The following ARFGAP2 variants were observed in gnomAD, a reference collection of about 807,000 sequenced individuals.
The protein encoded by ARFGAP2 is ADP-ribosylation factor GTPase-activating protein 2.
ARFGAP2 carries 45 observed loss-of-function variants against 71.9 expected under a neutral mutation model. The observed-to-expected ratio is 0.63, with a 90% CI of 0.49 to 0.80. The LOEUF (loss-of-function observed/expected upper bound fraction) is 0.80. ARFGAP2 is among the 30% of genes least tolerant of loss of function. ARFGAP2 has a pLI of 0.00. For missense variants in ARFGAP2, 633 were observed against 673.9 expected, an observed-to-expected ratio of 0.94 and a Z score of 0.67; for synonymous variants, 248 against 249.2, an observed-to-expected ratio of 1.00 and a Z score of 0.05.
At position 47,165,509 on chromosome 11, in the gene ARFGAP2, G is replaced by T; in HGVS notation, c.1546-7C>A. 1 of 1,545,434 alleles carries T rather than the reference G, an allele frequency of 6.5e-7. No individual in the cohort carries two copies. The highest frequency in any genetic ancestry group is 8.7e-7 in the Non-Finnish European group (1 of 1,151,728). On this transcript the variant is annotated splice_polypyrimidine_tract_variant and splice_region_variant and intron_variant, in intron 15 of 15. Transcript: ENST00000524782. ...AGTAGGAACCGTAGCGATCCTGGGG[G>T]CGAGGGGGGAGAAAAAAAAAAAAAA...
chr11:47,170,903 A>G (rs1220423740), intron 10 of ARFGAP2, among the ~76,000 whole-genome samples: 1 of 152,122 alleles, frequency 6.6e-6, no homozygotes, highest in African/African-American at 2.4e-5. Flanking sequence ...CTGAGATCAC[A>G]CCATTACACT....
chr11:47,170,050 C>T (rs1225033211), intron 10 of ARFGAP2, among the ~76,000 whole-genome samples: 1 of 152,110 alleles, frequency 6.6e-6, no homozygotes, highest in Admixed American at 6.5e-5. Flanking sequence ...AAGCACTGGG[C>T]GCCGTGGCTC....
rs1027178698 is a variant in ARFGAP2 at position 47,171,269 on chromosome 11, G to A, written c.941+157C>T. Among the ~76,000 whole-genome samples the A allele has an allele frequency of 2.6e-5, 4 of 152,160 alleles. No individual in the cohort carries two copies. In the South Asian group the frequency reaches 6.2e-4, roughly 24 times the overall value. On this transcript the variant is annotated intron_variant, in intron 10 of 15. Coordinates refer to ENST00000524782, the MANE Select transcript of ARFGAP2 (RefSeq NM_032389.6). ...CTTACTGAGCACATACCTACTATGC[G>A]CCAAGCACTGTATTAGGGACTTTAG...
chr11:47,165,471 C>A lies in ARFGAP2; in HGVS notation c.*11G>T. On this transcript the variant is annotated 3_prime_UTR_variant, in exon 16 of 16. Transcript: ENST00000524782. Reference sequence around the variant, plus strand: ...CCGTCACCATCGTAAGCCTGAGTCACAGAGCTCGGATCAGTAGGAACCGTA... The same window carrying A: ...CCGTCACCATCGTAAGCCTGAGTCAAAGAGCTCGGATCAGTAGGAACCGTA... 2 of 1,564,734 alleles carry A rather than the reference C, an allele frequency of 1.3e-6. No homozygotes were observed. The highest frequency in any genetic ancestry group is 1.7e-6 in the Non-Finnish European group (2 of 1,154,488).
rs1278211409 is a variant in ARFGAP2 at position 47,176,840 on chromosome 11, G to A, written c.14C>T (p.Pro5Leu). 1.9e-6 allele frequency: 3 copies of A among 1,613,538 alleles called. No homozygotes were observed. Among genetic ancestry groups the A allele is most frequent in the East Asian group, 2.2e-5 (1 of 44,866 alleles). The change falls in exon 1 of 16, where the codon CCG becomes CTG. Residue 5 changes from proline to leucine, a missense_variant. Physicochemically the swap from Pro to Leu is moderately conservative, Grantham distance 98. Transcript: ENST00000524782. ...AAGAGTCTGGATTTCGGTCTTGTTCGGCTCCGCCGCCATTTTCTCTCCTTC... is the reference window on the plus strand; with the variant it reads ...AAGAGTCTGGATTTCGGTCTTGTTCAGCTCCGCCGCCATTTTCTCTCCTTC... MAAE[P>L]NKTEIQTLFK...
chr11:47,167,426 A>G lies in ARFGAP2; in HGVS notation c.1205+483T>C, dbSNP rs555168209. On this transcript the variant is annotated intron_variant, in intron 12 of 15. Transcript: ENST00000524782. Reference sequence around the variant, plus strand: ...AGTTACGTTCCCATTTTATACGGGGATAACTCACAGATATTATGTCAACTA... The same window carrying G: ...AGTTACGTTCCCATTTTATACGGGGGTAACTCACAGATATTATGTCAACTA... Among the ~76,000 whole-genome samples the G allele has an allele frequency of 9.2e-5, 14 of 152,298 alleles. 1 individual carries two copies. In the South Asian group the frequency reaches 2.9e-3, roughly 32 times the overall value.
intron 10 of ARFGAP2, among the ~76,000 whole-genome samples, chr11:47,170,065 C>T (rs941351182): frequency 2.6e-5 from 4 of 152,136 alleles, no homozygotes; most frequent in African/African-American, 7.2e-5. Flanking sequence ...TGGCTCACAC[C>T]GGTAATCCCA....
rs750589507 is a variant in ARFGAP2, at chr11:47,176,536, G to A, written c.171C>T (p.Gly57=). ...CCTACCTGATGAAGCTCAGATGGACGCCCAGGGAGCGGTGCACCCCGGAAC... is the reference window on the plus strand; with the variant it reads ...CCTACCTGATGAAGCTCAGATGGACACCCAGGGAGCGGTGCACCCCGGAAC... The part of the protein sequence containing the change: ...IDCSGVHRSL[G]VHLSFIRSTE... Residue 57 remains glycine, a synonymous_variant, in exon 2 of 16, where the codon GGC becomes GGT. Coordinates refer to ENST00000524782, the MANE Select transcript of ARFGAP2 (RefSeq NM_032389.6). 10 of 1,613,522 alleles carry A rather than the reference G, an allele frequency of 6.2e-6. No homozygotes were observed. The highest frequency in any genetic ancestry group is 2.2e-5 in the East Asian group (1 of 44,888).
rs373220200 is a variant in ARFGAP2, at chr11:47,173,823, C to T, written c.498G>A (p.Ala166=). The change falls in exon 6 of 16, where the codon GCG becomes GCA. Residue 166 remains alanine, a synonymous_variant. Coordinates refer to ENST00000524782, the MANE Select transcript of ARFGAP2 (RefSeq NM_032389.6). ...GGGTCCCTGAAGGCTCAGTGGCTGG[C>T]GCATCCCAGGCAGGGGGCTGAAAAG... ...TEHTQPPAWD[A]PATEPSGTQQ... 28 of 1,599,610 alleles carry T rather than the reference C, an allele frequency of 1.8e-5. No homozygotes were observed. Among genetic ancestry groups the T allele is most frequent in the African/African-American group, 8.0e-5 (6 of 74,594 alleles).
At chr11:47,165,676 G>A (rs548094054) in intron 15 of ARFGAP2, among the ~76,000 whole-genome samples, 174 bp from the exon 16 acceptor site, 115 of 152,282 alleles carry the variant, frequency 7.6e-4, no homozygotes, top group African/African-American at 2.6e-3. Flanking sequence ...GGCCACTCGG[G>A]CACCCGACAA....
intron 15 of ARFGAP2, among the ~76,000 whole-genome samples, 188 bp from the exon 16 acceptor site, chr11:47,165,690 G>A (rs1023058160): frequency 2.0e-5 from 3 of 152,142 alleles, no homozygotes; most frequent in Non-Finnish European, 4.4e-5. Context: ...CCGACAACAG[G>A]GAAGCCCTGC....
At position 47,166,315 on chromosome 11, in the gene ARFGAP2, C is replaced by T; in HGVS notation, c.1498G>A (p.Ala500Thr). 1 of 1,614,246 alleles carries T rather than the reference C, an allele frequency of 6.2e-7. No individual in the cohort carries two copies. Among genetic ancestry groups the T allele is most frequent in the Non-Finnish European group, 8.5e-7 (1 of 1,180,052 alleles). The change falls in exon 15 of 16, where the codon GCT becomes ACT. Residue 500 changes from alanine to threonine, a missense_variant. By Grantham distance (58) the Ala-to-Thr change is moderately conservative. Coordinates refer to ENST00000524782, the MANE Select transcript of ARFGAP2 (RefSeq NM_032389.6). ...TTGGCCAGCACAGCCATTTTCCCAG[C>T]CACAGACTTGACACCCTGCTTAAAC... is the stretch of plus-strand genomic sequence containing the variant. ...AQFKQGVKSVAGKMAVLANGV... is the reference protein window; with the variant it reads ...AQFKQGVKSVTGKMAVLANGV...
intron 8 of ARFGAP2, 185 bp from the exon 9 acceptor site, chr11:47,171,985 A>G: frequency 2.1e-6 from 2 of 946,352 alleles, no homozygotes; most frequent in Non-Finnish European, 3.1e-6. Flanking sequence ...GGCGGCTCAC[A>G]CAGCCCCAGC....
rs1330449633 is a variant in ARFGAP2 at position 47,164,365 on chromosome 11, TACAA to T, written c.*1113_*1116del. The T allele has an allele frequency of 1.3e-5, 15 of 1,197,548 alleles. No individual in the cohort carries two copies. Among genetic ancestry groups the T allele is most frequent in the South Asian group, 1.7e-5 (1 of 60,314 alleles). 74.2% of individuals were successfully genotyped at this position (1,197,548 alleles called of 1,614,324 possible). A position where few individuals can be genotyped will look rare whatever the true frequency, so the allele number is the denominator to read the frequency against. Reference sequence around the variant, plus strand: ...TTATTTTGACACCACTTTGTTTCAATACAAACAGTCCAGAAAGAAAGTCAAGTCC... The same window carrying T: ...TTATTTTGACACCACTTTGTTTCAATACAGTCCAGAAAGAAAGTCAAGTCC... On this transcript the variant is annotated 3_prime_UTR_variant, in exon 16 of 16. Coordinates refer to ENST00000524782, the MANE Select transcript of ARFGAP2 (RefSeq NM_032389.6).
At chr11:47,173,878 C>A (rs752112273) in intron 5 of ARFGAP2, 38 bp from the exon 6 acceptor site, 184 of 1,565,568 alleles carry the variant, frequency 1.2e-4, no homozygotes, top group Non-Finnish European at 1.6e-4. Context: ...CTCGGTGAGC[C>A]ACTCCTGCTG....
At chr11:47,174,302 G>A (rs948356799) in intron 5 of ARFGAP2, 2 of 167,048 alleles carry the variant, frequency 1.2e-5, no homozygotes, top group East Asian at 1.6e-4. Flanking sequence ...CAGTAAAGAG[G>A]AAACCCTCCT....
At chr11:47,171,351 A>G (rs1952591438) in intron 10 of ARFGAP2, 75 bp downstream of exon 10, 1 of 1,582,098 alleles carries the variant, frequency 6.3e-7, no homozygotes, top group Admixed American at 1.8e-5. Context: ...TAGCATCCCA[A>G]ACTGCTAGGA....
intron 8 of ARFGAP2, 21 bp downstream of exon 8, chr11:47,172,260 A>G: frequency 1.2e-6 from 2 of 1,613,514 alleles, no homozygotes; most frequent in Non-Finnish European, 1.7e-6. Flanking sequence ...CCCCTCTACC[A>G]TACCACCTCT....
chr11:47,169,418 GCAATA>G (rs1952511613), intron 10 of ARFGAP2: 1 of 152,160 alleles, frequency 6.6e-6, no homozygotes, highest in African/African-American at 2.4e-5. Context: ...GGGTTGGCAG[GCAATA>G]CAATACAACT....
Sources: allele counts gnomAD v4.1 joint callset (sites outside exome capture counted in the v4.1 genomes callset), GRCh38; gene constraint gnomAD v4.1.1; transcripts MANE v1.5; gene names NCBI Gene and HGNC (gene_info 2026-07-23, HGNC 2026-07-21).